The following RELN variants were observed in gnomAD, a reference collection of about 807,000 sequenced individuals.
RELN encodes the protein reelin.
A neutral mutation model predicts 427.6 loss-of-function variants in RELN; 108 were observed. The ratio of observed to expected loss-of-function variants is 0.25; its 90% CI spans 0.22 to 0.30. RELN has a LOEUF of 0.30. RELN is among the 10% of genes least tolerant of loss of function. RELN has a pLI of 1.00. For synonymous variants in RELN, 1,524 were observed against 1,513.4 expected (o/e 1.01, Z -0.16); for missense variants, 3,715 against 4,302.8 (o/e 0.86, Z 3.82).
chr7:103,894,814 A>G (rs945363561), intron 2 of RELN, among the ~76,000 whole-genome samples: 1 of 152,134 alleles, frequency 6.6e-6, no homozygotes, highest in African/African-American at 2.4e-5. Flanking sequence ...TGTAAGCAGC[A>G]GATAAGCAAC....
intron 3 of RELN, among the ~76,000 whole-genome samples, chr7:103,830,888 A>G (rs1407281626): frequency 6.6e-6 from 1 of 152,170 alleles, no homozygotes; most frequent in African/African-American, 2.4e-5. Context: ...TAAAAAGTGC[A>G]AACAGTAGCA....
In RELN at chr7:103,989,533, G is replaced by T; in HGVS notation, c.-177C>A. 1 of 507,830 alleles carries T rather than the reference G, an allele frequency of 2.0e-6. No individual in the cohort carries two copies. The highest frequency in any genetic ancestry group is 3.1e-6 in the Non-Finnish European group (1 of 318,220). The allele number at this position is 507,830 out of a possible 1,614,324, so 31.5% of individuals were successfully genotyped here. Reference sequence around the variant, plus strand: ...CCCGCCGAGAAGTTCCGCGGGAGACGGCGGCTCCCAAAGTTACTTTGGGCC... The same window carrying T: ...CCCGCCGAGAAGTTCCGCGGGAGACTGCGGCTCCCAAAGTTACTTTGGGCC... On this transcript the variant is annotated 5_prime_UTR_variant, in exon 1 of 65. Coordinates refer to ENST00000428762, the MANE Select transcript of RELN (RefSeq NM_005045.4). The surrounding 1 kb of genome is among the most constrained non-coding windows in gnomAD (Gnocchi z 4.9).
chr7:103,836,194 A>G (rs1793403531), intron 2 of RELN, among the ~76,000 whole-genome samples: 1 of 152,000 alleles, frequency 6.6e-6, no homozygotes, highest in Non-Finnish European at 1.5e-5. Context: ...TTTGGACCAC[A>G]AGTGATCCAC....
At chr7:103,676,492 A>G (rs1562952201) in intron 11 of RELN, among the ~76,000 whole-genome samples, 2 of 152,234 alleles carry the variant, frequency 1.3e-5, no homozygotes, top group Non-Finnish European at 2.9e-5. Flanking sequence ...CAATTCCTCA[A>G]GGATCTAGAA....
chr7:103,906,677 A>T (rs999106552), intron 2 of RELN, among the ~76,000 whole-genome samples: 1 of 152,122 alleles, frequency 6.6e-6, no homozygotes, highest in African/African-American at 2.4e-5. Context: ...TCAATTCCTA[A>T]CTCCCATGCT....
In RELN at chr7:103,515,504, A is replaced by AAAG. The variant is rs34355022; in HGVS notation, c.7863-66_7863-64dup. 0.35 allele frequency: 562,436 copies of AAAG among 1,585,140 alleles called. 113,560 individuals are homozygous for AAAG. The highest frequency in any genetic ancestry group is 0.81 in the African/African-American group (60,112 of 74,192). ...CCTTGTCAAATATCTTCTCTGAGTAAAAGATTTACAACCAGCCATAAGATA... is the reference window on the plus strand; with the variant it reads ...CCTTGTCAAATATCTTCTCTGAGTAAAAGAAGATTTACAACCAGCCATAAGATA... On this transcript the variant is annotated intron_variant, in intron 49 of 64. Coordinates refer to ENST00000428762, the MANE Select transcript of RELN (RefSeq NM_005045.4).
At chr7:103,625,369 C>T (rs1329219435) in intron 20 of RELN, among the ~76,000 whole-genome samples, 1 of 152,214 alleles carries the variant, frequency 6.6e-6, no homozygotes, top group Non-Finnish European at 1.5e-5. Flanking sequence ...TCAACCAAAT[C>T]TAGTTTATAC....
chr7:103,867,693 C>T (rs1336805697), intron 2 of RELN, among the ~76,000 whole-genome samples: 1 of 151,972 alleles, frequency 6.6e-6, no homozygotes, highest in African/African-American at 2.4e-5. Flanking sequence ...CCTGATTTAG[C>T]TTATTTTCCT....
intron 6 of RELN, among the ~76,000 whole-genome samples, chr7:103,746,070 T>C (rs1790817921): frequency 1.3e-5 from 2 of 151,976 alleles, no homozygotes; most frequent in African/African-American, 2.4e-5. Flanking sequence ...AAAACAGAGA[T>C]ATAGACCAAT....
intron 6 of RELN, among the ~76,000 whole-genome samples, chr7:103,746,114 A>T (rs1426073597): frequency 6.6e-6 from 1 of 152,140 alleles, no homozygotes; most frequent in South Asian, 2.1e-4. Context: ...ATAATGCTGC[A>T]TATCTACAAC....
At chr7:103,679,371 G>A (rs1700170317) in intron 11 of RELN, among the ~76,000 whole-genome samples, 1 of 152,180 alleles carries the variant, frequency 6.6e-6, no homozygotes, top group African/African-American at 2.4e-5. Context: ...AGCCCAAAGT[G>A]TGATTGCTAG....
rs556913853 is a variant in RELN at position 103,832,989 on chromosome 7, T to C, written c.473+548A>G. Reference sequence around the variant, plus strand: ...TTCAATTATTTTTGTCTTTTAAAAATTGATAACACTTATTGCATATATTTA... The same window carrying C: ...TTCAATTATTTTTGTCTTTTAAAAACTGATAACACTTATTGCATATATTTA... On this transcript the variant is annotated intron_variant, in intron 3 of 64. Transcript: ENST00000428762. Among the ~76,000 whole-genome samples, 3 of 152,314 alleles carry C rather than the reference T, an allele frequency of 2.0e-5. No individual in the cohort carries two copies. In the East Asian group the frequency reaches 5.8e-4, roughly 29 times the overall value.
chr7:103,905,059 C>T (rs766292020), intron 2 of RELN, among the ~76,000 whole-genome samples: 4 of 143,178 alleles, frequency 2.8e-5, no homozygotes, highest in Non-Finnish European at 6.0e-5. Flanking sequence ...CTGCTCACTG[C>T]AACATCTGCC....
Position 103,518,505 on chromosome 7 carries a change from G to GTTTTTTTTTTTTTTTTTTTT in RELN, c.7862+817_7862+818insAAAAAAAAAAAAAAAAAAAA, listed in dbSNP as rs58239018. The stretch of plus-strand genomic sequence containing the variant: ...ATGCCACCACACCCAGGTAATTTAA[G>GTTTTTTTTTTTTTTTTTTTT]TTTTTTTTTTTTTTGGTAAAATGTC... On this transcript the variant is annotated intron_variant, in intron 49 of 64. Transcript: ENST00000428762. Among the ~76,000 whole-genome samples the GTTTTTTTTTTTTTTTTTTTT allele has an allele frequency of 7.0e-4, 80 of 114,324 alleles. 3 individuals carry two copies. The highest frequency in any genetic ancestry group is 3.7e-3 in the East Asian group (13 of 3,484). 75.0% of individuals were successfully genotyped at this position (114,324 alleles called of 152,430 possible). A position where few individuals can be genotyped will look rare whatever the true frequency, so the allele number is the denominator to read the frequency against.
At chr7:103,901,055 C>A (rs1795072939) in intron 2 of RELN, among the ~76,000 whole-genome samples, 1 of 151,882 alleles carries the variant, frequency 6.6e-6, no homozygotes, top group African/African-American at 2.4e-5. Flanking sequence ...TACAACTCAA[C>A]AACAAAAAGA....
At chr7:103,880,282 A>T (rs1794576557) in intron 2 of RELN, among the ~76,000 whole-genome samples, 2 of 152,134 alleles carry the variant, frequency 1.3e-5, no homozygotes, top group Non-Finnish European at 2.9e-5. Context: ...ACTTGAAAAA[A>T]GGTTTAAAAC....
rs1795234328 is a variant in RELN at position 103,907,414 on chromosome 7, G to GAAAAAAAAAAAAAA, written c.337+9660_337+9661insTTTTTTTTTTTTTT. 3.3e-4 allele frequency among the ~76,000 whole-genome samples: 13 copies of GAAAAAAAAAAAAAA among 39,690 alleles called. 5 individuals are homozygous for GAAAAAAAAAAAAAA. Among genetic ancestry groups the GAAAAAAAAAAAAAA allele is most frequent in the Admixed American group, 7.0e-4 (2 of 2,842 alleles). 26.0% of individuals were successfully genotyped at this position (39,690 alleles called of 152,430 possible). On this transcript the variant is annotated intron_variant, in intron 2 of 64. Transcript: ENST00000428762. ...GCCTGGGCAACAAGATCAAGGCTCTGGAAAAAAAAAAAAAAAAAAAAAAAA... is the reference window on the plus strand; with the variant it reads ...GCCTGGGCAACAAGATCAAGGCTCTGAAAAAAAAAAAAAAGAAAAAAAAAAAAAAAAAAAAAAAA...
At chr7:103,701,682 C>T (rs868069411) in intron 8 of RELN, among the ~76,000 whole-genome samples, 2 of 151,962 alleles carry the variant, frequency 1.3e-5, no homozygotes, top group Non-Finnish European at 2.9e-5. Context: ...TTCTACATGT[C>T]GAATGAATTC....
At chr7:103,585,962 C>A (rs1293973845) in intron 28 of RELN, among the ~76,000 whole-genome samples, 1 of 152,156 alleles carries the variant, frequency 6.6e-6, no homozygotes, top group Non-Finnish European at 1.5e-5. Flanking sequence ...AACATATGAT[C>A]ATTTCAATAA....
Sources: allele counts gnomAD v4.1 joint callset (sites outside exome capture counted in the v4.1 genomes callset), GRCh38; gene constraint gnomAD v4.1.1; non-coding constraint Gnocchi (gnomAD v3.1); transcripts MANE v1.5; gene names NCBI Gene and HGNC (gene_info 2026-07-23, HGNC 2026-07-21).